Variants in INTS9 observed in about 807,000 individuals in gnomAD.
INTS9 encodes integrator complex subunit 9.
INTS9 carries 55 observed loss-of-function variants against 79.7 expected under a neutral mutation model. That is an observed-to-expected ratio of 0.69 (90% confidence interval 0.56 to 0.86). INTS9 has a LOEUF of 0.86. Among genes scored for constraint, INTS9 ranks in the 40% least tolerant of loss-of-function variants. The pLI, the probability that INTS9 is intolerant of heterozygous loss-of-function variation, is 0.00. For synonymous variants in INTS9, 319 were observed against 325.2 expected, an observed-to-expected ratio of 0.98 and a Z score of 0.20; for missense variants, 721 against 831.5, an observed-to-expected ratio of 0.87 and a Z score of 1.64.
At chr8:28,853,766 ATTTC>A (rs1301178939) in intron 2 of INTS9, among the ~76,000 whole-genome samples, 1 of 150,892 alleles carries the variant, frequency 6.6e-6, no homozygotes, top group Non-Finnish European at 1.5e-5. Flanking sequence ...ATTATACGTA[ATTTC>A]TTTTTTTTTT....
rs372014318 is a variant in INTS9, at chr8:28,787,845, G to C, written c.1082C>G (p.Pro361Arg). Residue 361 changes from proline to arginine, a missense_variant, in exon 11 of 17, where the codon CCT becomes CGT. Physicochemically the swap from Pro to Arg is moderately radical, Grantham distance 103. Transcript: ENST00000521022. ...TTTTCTTACCTCTGCATGAGGAAAA[G>C]GTGGTTCTGGAAGATACACCTTACT... Reference protein sequence around the residue: ...KQSKVYLPEPPFPHAELIQTN... With the variant: ...KQSKVYLPEPRFPHAELIQTN... 5 of 1,608,326 alleles carry C rather than the reference G, an allele frequency of 3.1e-6. No homozygotes were observed. The highest frequency in any genetic ancestry group is 4.3e-6 in the Non-Finnish European group (5 of 1,175,548).
chr8:28,785,069 T>C (rs62502761), intron 11 of INTS9, among the ~76,000 whole-genome samples: 3,072 of 152,378 alleles, frequency 0.02, 43 homozygotes, highest in Non-Finnish European at 0.03. Flanking sequence ...GAATGCTCAC[T>C]AGATTCAGGT....
chr8:28,867,533 A>T (rs1394074261), intron 1 of INTS9, among the ~76,000 whole-genome samples: 94 of 135,728 alleles, frequency 6.9e-4, no homozygotes, highest in South Asian at 4.7e-3. Context: ...GCTGAGATTA[A>T]AAAAAAAAAA....
intron 6 of INTS9, among the ~76,000 whole-genome samples, chr8:28,824,606 G>A (rs571037700): frequency 1.3e-5 from 2 of 152,234 alleles, no homozygotes; most frequent in Non-Finnish European, 2.9e-5. Flanking sequence ...GGCTGGCCCT[G>A]AGTCTGGCAG....
chr8:28,783,441 G>A (rs1803415424), intron 11 of INTS9: 1 of 152,316 alleles, frequency 6.6e-6, no homozygotes, highest in Admixed American at 6.5e-5. Flanking sequence ...CACTGCTCTG[G>A]AAGGCTGTTT....
At chr8:28,860,686 C>A (rs1319213050) in intron 1 of INTS9, among the ~76,000 whole-genome samples, 2 of 152,164 alleles carry the variant, frequency 1.3e-5, no homozygotes, top group African/African-American at 4.8e-5. Context: ...ACCATGTTGG[C>A]CAGGCTGGTC....
At chr8:28,841,237 G>C (rs1268437481) in intron 4 of INTS9, among the ~76,000 whole-genome samples, 4 of 152,154 alleles carry the variant, frequency 2.6e-5, no homozygotes, top group Non-Finnish European at 5.9e-5. Flanking sequence ...GCAAGACAGT[G>C]TCCTCCTCAT....
At chr8:28,816,774 T>C (rs1294993773) in intron 6 of INTS9, among the ~76,000 whole-genome samples, 1 of 148,294 alleles carries the variant, frequency 6.7e-6, no homozygotes, top group Non-Finnish European at 1.5e-5. Flanking sequence ...CCACCAACAG[T>C]GTAAAAGTGT....
intron 8 of INTS9, among the ~76,000 whole-genome samples, chr8:28,811,135 T>G (rs1805100476): frequency 6.6e-6 from 1 of 151,412 alleles, no homozygotes; most frequent in Non-Finnish European, 1.5e-5. Context: ...TCTCTTTTTT[T>G]TTTTTTTTGT....
chr8:28,786,153 T>C (rs1488350607), intron 11 of INTS9, among the ~76,000 whole-genome samples: 1 of 152,142 alleles, frequency 6.6e-6, no homozygotes, highest in Non-Finnish European at 1.5e-5. Flanking sequence ...TTGTGCAGTT[T>C]ATCTACACTG....
chr8:28,878,317 T>C (rs551583328), intron 1 of INTS9, among the ~76,000 whole-genome samples: 12 of 152,110 alleles, frequency 7.9e-5, no homozygotes, highest in African/African-American at 2.6e-4. Flanking sequence ...ATCATTTAAC[T>C]GTTTTTGTTT....
At chr8:28,780,327 C>T (rs1332853346) in intron 12 of INTS9, 1 of 968,132 alleles carries the variant, frequency 1.0e-6, no homozygotes, top group African/African-American at 1.8e-5. Context: ...ACCTAGCATT[C>T]AAAGGGCTGG....
At chr8:28,871,022 G>T (rs1033768893) in intron 1 of INTS9, among the ~76,000 whole-genome samples, 1 of 152,158 alleles carries the variant, frequency 6.6e-6, no homozygotes, top group African/African-American at 2.4e-5. Context: ...TTCATGCTGG[G>T]TTATTCACAT....
intron 13 of INTS9, among the ~76,000 whole-genome samples, chr8:28,776,623 G>A (rs1479705851): frequency 6.6e-6 from 1 of 152,016 alleles, no homozygotes; most frequent in East Asian, 1.9e-4. Flanking sequence ...TGCTGAAGAC[G>A]GCTTTCCACC....
intron 1 of INTS9, among the ~76,000 whole-genome samples, chr8:28,886,908 C>T (rs1451520489): frequency 1.3e-5 from 2 of 152,154 alleles, no homozygotes; most frequent in Non-Finnish European, 2.9e-5. Flanking sequence ...GCTATCATTC[C>T]TTTTTTACTT....
At chr8:28,845,006 T>G (rs1563292472) in intron 4 of INTS9, among the ~76,000 whole-genome samples, 1 of 152,216 alleles carries the variant, frequency 6.6e-6, no homozygotes, top group African/African-American at 2.4e-5. Context: ...AAACTCCACA[T>G]GTAAGTGGAC....
chr8:28,840,152 A>T (rs1276755539), intron 4 of INTS9, among the ~76,000 whole-genome samples: 32 of 149,384 alleles, frequency 2.1e-4, no homozygotes, highest in African/African-American at 7.8e-4. Context: ...GACACTTCTC[A>T]AAAGAAGACA....
chr8:28,820,023 T>A (rs895542781), intron 6 of INTS9, among the ~76,000 whole-genome samples: 1 of 152,280 alleles, frequency 6.6e-6, no homozygotes, highest in East Asian at 1.9e-4. Context: ...TCCTCCATCC[T>A]TTTATTTTGA....
At chr8:28,805,302 G>A (rs959910041) in intron 8 of INTS9, among the ~76,000 whole-genome samples, 2 of 152,130 alleles carry the variant, frequency 1.3e-5, no homozygotes, top group Non-Finnish European at 2.9e-5. Flanking sequence ...TTATCCTATC[G>A]AAGTTTTTTG....
Sources: gnomAD v4.1 joint callset for allele counts (sites outside exome capture counted in the v4.1 genomes callset) on GRCh38, gnomAD v4.1.1 for gene constraint, MANE v1.5 for transcripts, NCBI Gene and HGNC (gene_info 2026-07-23, HGNC 2026-07-21) for gene names.